GPHN: variants seen among roughly 807,000 people sequenced by gnomAD.
GPHN encodes gephyrin.
Under a neutral mutation model 95.5 loss-of-function variants are expected in GPHN, and 17 were observed. That is an observed-to-expected ratio of 0.18 (90% CI 0.12 to 0.27). GPHN has a LOEUF of 0.27. Among genes scored for constraint, GPHN ranks in the 10% least tolerant of loss-of-function variants. The pLI is 1.00. For missense variants in GPHN, 660 were observed against 978.1 expected (o/e 0.67, Z 4.34); for synonymous variants, 320 against 322.5 (o/e 0.99, Z 0.08).
At chr14:67,645,644 C>T in the GPHN span, 3 of 1,612,408 alleles carry the variant, frequency 1.9e-6, no homozygotes, top group Non-Finnish European at 2.5e-6. Flanking sequence ...TCTTTGCAGC[C>T]TGGCAATCGG....
chr14:66,569,765 A>G (rs375894054), intron 1 of GPHN, among the ~76,000 whole-genome samples: 2 of 152,154 alleles, frequency 1.3e-5, no homozygotes, highest in East Asian at 3.8e-4. Context: ...AAATGGAGCT[A>G]ATTAATGTAT....
At chr14:67,460,670 T>C in the GPHN span, among the ~76,000 whole-genome samples, 1 of 152,086 alleles carries the variant, frequency 6.6e-6, no homozygotes, top group African/African-American at 2.4e-5. Context: ...CACCACTGCT[T>C]TCCAGCCTGG....
Position 67,023,656 on chromosome 14 carries a change from G to T in GPHN, c.987G>T (p.Lys329Asn). Residue 329 changes from lysine to asparagine, a missense_variant, in exon 10 of 23, where the codon AAG becomes AAT. This residue lies in a region of GPHN where 190 missense variants were observed against 224.7 expected (regional missense o/e 0.85). Coordinates refer to ENST00000478722, the MANE Select transcript of GPHN (RefSeq NM_020806.5). The stretch of plus-strand genomic sequence containing the variant: ...AGGTCCAGTCCAGGTGCAGCAGCAA[G>T]GAGAACATTCTCAGAGCCAGTAAGT... ...TPKVQSRCSS[K>N]ENILRASHSA... The T allele has an allele frequency of 6.2e-7, 1 of 1,613,466 alleles. No individual in the cohort carries two copies. Among genetic ancestry groups the T allele is most frequent in the Non-Finnish European group, 8.5e-7 (1 of 1,179,516 alleles).
chr14:67,099,793 A>C (rs775065097), intron 12 of GPHN, among the ~76,000 whole-genome samples: 4 of 152,136 alleles, frequency 2.6e-5, no homozygotes, highest in South Asian at 2.1e-4. Context: ...GTCCTTTTAA[A>C]AAGAGAAAAT....
the GPHN span, among the ~76,000 whole-genome samples, chr14:67,225,975 G>GCA: frequency 6.9e-6 from 1 of 144,056 alleles, no homozygotes; most frequent in East Asian, 2.0e-4. Context: ...GCGCGCGCGC[G>GCA]TGCGCATGCG....
chr14:66,848,170 G>GT (rs1219857296), intron 4 of GPHN, among the ~76,000 whole-genome samples: 3 of 151,920 alleles, frequency 2.0e-5, no homozygotes, highest in Non-Finnish European at 4.4e-5. Context: ...GAAATTTAGT[G>GT]TTTTTTACTT....
At chr14:67,658,293 T>G in the GPHN span, among the ~76,000 whole-genome samples, 10 of 152,156 alleles carry the variant, frequency 6.6e-5, no homozygotes, top group Non-Finnish European at 8.8e-5. Context: ...CTAAATTATG[T>G]TTTAATAATT....
At chr14:67,703,187 A>T in the GPHN span, among the ~76,000 whole-genome samples, 1 of 152,216 alleles carries the variant, frequency 6.6e-6, no homozygotes, top group African/African-American at 2.4e-5. Flanking sequence ...TATAAAAGAT[A>T]GTTGGATCTA....
At chr14:67,581,827 G>T in the GPHN span, 2 of 459,694 alleles carry the variant, frequency 4.4e-6, no homozygotes, top group Middle Eastern at 6.1e-4. Context: ...ACTAAATCCA[G>T]TAAGCTTAAT....
chr14:66,950,667 C>T (rs2068049485), intron 8 of GPHN, among the ~76,000 whole-genome samples: 1 of 151,984 alleles, frequency 6.6e-6, no homozygotes, highest in Admixed American at 6.6e-5. Context: ...CTGAAACAGT[C>T]CCCCACCATG....
chr14:67,258,062 T>C, the GPHN span, among the ~76,000 whole-genome samples: 1 of 151,908 alleles, frequency 6.6e-6, no homozygotes, highest in East Asian at 1.9e-4. Flanking sequence ...TAGGTGTGGT[T>C]TTTCTCTTCC....
the GPHN span, among the ~76,000 whole-genome samples, chr14:67,232,862 TG>T: frequency 2.0e-3 from 311 of 152,324 alleles, no homozygotes; most frequent in African/African-American, 7.0e-3. Flanking sequence ...TTCCTGCATT[TG>T]CTTGAAGTGT....
At chr14:66,901,855 A>G (rs549396691) in intron 5 of GPHN, among the ~76,000 whole-genome samples, 2 of 152,068 alleles carry the variant, frequency 1.3e-5, no homozygotes, top group Non-Finnish European at 2.9e-5. Context: ...TGCTTTGGAT[A>G]TTAGGCTCTT....
chr14:67,713,241 A>AAAAC, the GPHN span, among the ~76,000 whole-genome samples: 24 of 150,986 alleles, frequency 1.6e-4, no homozygotes, highest in African/African-American at 3.6e-4. Flanking sequence ...AGAAGCAGGA[A>AAAAC]AAACAAACAA....
intron 1 of GPHN, among the ~76,000 whole-genome samples, chr14:66,665,442 T>C (rs1306458238): frequency 6.6e-6 from 1 of 152,172 alleles, no homozygotes; most frequent in African/African-American, 2.4e-5. Flanking sequence ...GAGCGAAGGA[T>C]ATGAACAGAC....
intron 4 of GPHN, among the ~76,000 whole-genome samples, chr14:66,862,390 G>A (rs2063062333): frequency 6.6e-6 from 1 of 151,944 alleles, no homozygotes; most frequent in Admixed American, 6.6e-5. Flanking sequence ...ATTCCCTGCT[G>A]AATTCTACAG....
intron 9 of GPHN, among the ~76,000 whole-genome samples, chr14:67,001,145 A>G (rs1035477947): frequency 2.0e-5 from 3 of 151,578 alleles, no homozygotes; most frequent in African/African-American, 7.2e-5. Flanking sequence ...TGTATCTTTG[A>G]GAGAGAAAGG....
the GPHN span, chr14:67,653,589 T>C: frequency 5.2e-6 from 6 of 1,156,716 alleles, no homozygotes; most frequent in African/African-American, 4.7e-5. Flanking sequence ...CATTAAGGGA[T>C]ATATGTTGAA....
At chr14:67,687,376 C>T in the GPHN span, among the ~76,000 whole-genome samples, 1 of 151,844 alleles carries the variant, frequency 6.6e-6, no homozygotes, top group Non-Finnish European at 1.5e-5. Flanking sequence ...CTACAACCTA[C>T]CAATGGTAAC....
Sources: gnomAD v4.1 joint callset for allele counts (sites outside exome capture counted in the v4.1 genomes callset) on GRCh38, gnomAD v4.1.1 for gene constraint, gnomAD v4.1.1 regional missense constraint, MANE v1.5 for transcripts, NCBI Gene and HGNC (gene_info 2026-07-23, HGNC 2026-07-21) for gene names.